SLC24A1: variants seen among roughly 807,000 people sequenced by gnomAD.
The protein encoded by SLC24A1 is sodium/potassium/calcium exchanger 1.
Under a neutral mutation model 88.1 loss-of-function variants are expected in SLC24A1, and 52 were observed. That is an observed-to-expected ratio of 0.59 (90% CI 0.47 to 0.74). The LOEUF is 0.74. Ranked by LOEUF, SLC24A1 falls within the 30% of genes least tolerant of loss-of-function variation. SLC24A1 has a pLI of 0.00. For synonymous variants in SLC24A1, 455 were observed against 498.0 expected, an observed-to-expected ratio of 0.91 and a Z score of 1.15; for missense variants, 1,173 against 1,363.3, an observed-to-expected ratio of 0.86 and a Z score of 2.20.
At chr15:65,652,383 A>G in intron 8 of SLC24A1, 1 of 384,476 alleles carries the variant, frequency 2.6e-6, no homozygotes, top group Non-Finnish European at 4.7e-6. Flanking sequence ...AGTGAGCAGC[A>G]GATCTGGTGT....
rs371558280 is a variant in SLC24A1, at chr15:65,650,888, C to G, written c.2739C>G (p.Phe913Leu). The G allele has an allele frequency of 1.2e-6, 2 of 1,613,878 alleles. No individual in the cohort carries two copies. The highest frequency in any genetic ancestry group is 1.3e-5 in the African/African-American group (1 of 74,920). Reference sequence around the variant, plus strand: ...GGCAGAAGCAGGCCATTTACCTCTTCCTTCTGCCCATCGTGTTCCCACTGT... The same window carrying G: ...GGCAGAAGCAGGCCATTTACCTCTTGCTTCTGCCCATCGTGTTCCCACTGT... ...ETRQKQAIYL[F>L]LLPIVFPLWL... The change falls in exon 7 of 10, where the codon TTC becomes TTG. Residue 913 changes from phenylalanine (F) to leucine (L), a missense_variant. Coordinates refer to ENST00000261892, the MANE Select transcript of SLC24A1 (RefSeq NM_004727.3). The surrounding 1 kb of genome is among the most constrained non-coding windows in gnomAD (Gnocchi z 4.1).
downstream of SLC24A1, chr15:65,660,252 T>A (rs1351359160): frequency 1.3e-6 from 2 of 1,529,766 alleles, no homozygotes; most frequent in African/African-American, 2.7e-5. Flanking sequence ...AGTTTTACAT[T>A]TTTAAACTCT....
chr15:65,651,042 G>A (rs2075486662), intron 7 of SLC24A1, 100 bp downstream of exon 7: 1 of 987,078 alleles, frequency 1.0e-6, no homozygotes, highest in African/African-American at 1.6e-5. Context: ...AGAGGCCAGG[G>A]ACAACCAGCT....
upstream of SLC24A1, among the ~76,000 whole-genome samples, chr15:65,617,883 T>C (rs890364977): frequency 6.6e-6 from 1 of 152,196 alleles, no homozygotes; most frequent in African/African-American, 2.4e-5. Flanking sequence ...TAAATACTTC[T>C]TTTACTAGAG....
At chr15:65,657,732 G>C (rs2075733023), downstream of SLC24A1, among the ~76,000 whole-genome samples, 1 of 152,048 alleles carries the variant, frequency 6.6e-6, no homozygotes, top group South Asian at 2.1e-4. Context: ...TTGGTGGGAG[G>C]GTCCTCCAGC....
At chr15:65,645,054 C>A (rs917131280) in intron 5 of SLC24A1, among the ~76,000 whole-genome samples, 4 of 152,194 alleles carry the variant, frequency 2.6e-5, no homozygotes, top group African/African-American at 9.7e-5. Flanking sequence ...CTGCCTGATC[C>A]ACCCAGCAAC....
rs1249820101 is a variant in SLC24A1 at position 65,650,663 on chromosome 15, C to T, written c.2514C>T (p.His838=). The part of the protein sequence containing the change: ...TESQELSAEN[H]GEAKNDEKGV... The stretch of plus-strand genomic sequence containing the variant: ...GCCAGGAACTCAGTGCTGAAAATCA[C>T]GGTGAAGCCAAAAATGATGAGAAAG... The change falls in exon 7 of 10, where the codon CAC becomes CAT. Residue 838 remains histidine, a synonymous_variant. Transcript: ENST00000261892. The surrounding 1 kb of genome is among the most constrained non-coding windows in gnomAD (Gnocchi z 4.1). The T allele has an allele frequency of 4.5e-6, 7 of 1,545,838 alleles. No individual in the cohort carries two copies. The highest frequency in any genetic ancestry group is 2.8e-5 in the African/African-American group (2 of 72,328).
chr15:65,623,027 C>CCA (rs766200855), intron 1 of SLC24A1, among the ~76,000 whole-genome samples: 13 of 152,182 alleles, frequency 8.5e-5, no homozygotes, highest in Non-Finnish European at 1.8e-4. Context: ...CAAGCATGAG[C>CCA]CACCGTGCTC....
At chr15:65,627,997 G>A (rs1229050254) in intron 2 of SLC24A1, among the ~76,000 whole-genome samples, 1 of 152,106 alleles carries the variant, frequency 6.6e-6, no homozygotes, top group African/African-American at 2.4e-5. Flanking sequence ...GTCTTGTTCT[G>A]TTGCCCAGGC....
At chr15:65,629,665 A>C (rs79021182) in intron 2 of SLC24A1, among the ~76,000 whole-genome samples, 1 of 152,222 alleles carries the variant, frequency 6.6e-6, no homozygotes, top group Non-Finnish European at 1.5e-5. Flanking sequence ...AAGCCAACAG[A>C]CAGCAAAGCA....
At chr15:65,646,357 A>T (rs576595807) in intron 6 of SLC24A1, among the ~76,000 whole-genome samples, 1 of 151,962 alleles carries the variant, frequency 6.6e-6, no homozygotes, top group Non-Finnish European at 1.5e-5. Context: ...GATTATAGGC[A>T]TGAGCCACCA....
Position 65,639,577 on chromosome 15 carries a change from G to A in SLC24A1, c.1945-18G>A, listed in dbSNP as rs1351913546. 6.2e-6 allele frequency: 9 copies of A among 1,448,646 alleles called. No individual in the cohort carries two copies. Among genetic ancestry groups the A allele is most frequent in the Non-Finnish European group, 7.5e-6 (8 of 1,060,404 alleles). 89.7% of individuals were successfully genotyped at this position (1,448,646 alleles called of 1,614,324 possible). ...TGGCTTGGACAGGGGCCCACTGTGCGGCTCTCCTCTTGCTCAGCTCCCGTC... is the reference window on the plus strand; with the variant it reads ...TGGCTTGGACAGGGGCCCACTGTGCAGCTCTCCTCTTGCTCAGCTCCCGTC... On this transcript the variant is annotated intron_variant, in intron 3 of 9. Transcript: ENST00000261892.
At chr15:65,618,122 A>C (rs553313020), upstream of SLC24A1, among the ~76,000 whole-genome samples, 2 of 152,298 alleles carry the variant, frequency 1.3e-5, no homozygotes, top group East Asian at 3.9e-4. Context: ...GAGAAGTGAA[A>C]TATCAGCATT....
upstream of SLC24A1, chr15:65,621,923 C>T (rs1340314415): frequency 6.6e-6 from 1 of 152,242 alleles, no homozygotes; most frequent in Non-Finnish European, 1.5e-5. Context: ...ATATTCTTCC[C>T]CTGAGCTGCC....
intron 2 of SLC24A1, among the ~76,000 whole-genome samples, chr15:65,615,397 G>C (rs1424438769): frequency 6.6e-6 from 1 of 152,174 alleles, no homozygotes; most frequent in Non-Finnish European, 1.5e-5. Flanking sequence ...TTGTGAGGCT[G>C]GGAGGCCGGG....
chr15:65,620,578 G>T (rs1452676471), upstream of SLC24A1, among the ~76,000 whole-genome samples: 5 of 152,098 alleles, frequency 3.3e-5, no homozygotes, highest in Non-Finnish European at 1.5e-5. Context: ...ATTTCAAAAT[G>T]TGCCAGAATC....
chr15:65,638,298 A>G lies in SLC24A1; in HGVS notation c.1944+117A>G, dbSNP rs76860591. ...CCCTGGCTGTGCTCAGGCCTAGGAA[A>G]CTCCTGGGAGCGCTGCCAGGGTGAG... is the stretch of plus-strand genomic sequence containing the variant. On this transcript the variant is annotated intron_variant, in intron 3 of 9. Coordinates refer to ENST00000261892, the MANE Select transcript of SLC24A1 (RefSeq NM_004727.3). 42,536 of 740,724 alleles carry G rather than the reference A, an allele frequency of 0.057. 1,434 individuals carry two copies. Among genetic ancestry groups the G allele is most frequent in the African/African-American group, 0.11 (6,479 of 57,216 alleles). The allele number at this position is 740,724 out of a possible 1,614,324, so 45.9% of individuals were successfully genotyped here.
chr15:65,647,248 CA>C (rs1353960220), intron 6 of SLC24A1, among the ~76,000 whole-genome samples: 2 of 152,034 alleles, frequency 1.3e-5, no homozygotes, highest in East Asian at 1.9e-4. Flanking sequence ...GAGGCCGAGG[CA>C]GGAGGATCAC....
At chr15:65,634,941 C>T (rs1180280748) in intron 2 of SLC24A1, among the ~76,000 whole-genome samples, 4 of 152,048 alleles carry the variant, frequency 2.6e-5, no homozygotes, top group South Asian at 4.2e-4. Context: ...TGAGTGTTGT[C>T]TATTTCACAG....
Sources: allele counts gnomAD v4.1 joint callset (sites outside exome capture counted in the v4.1 genomes callset), GRCh38; gene constraint gnomAD v4.1.1; non-coding constraint Gnocchi (gnomAD v3.1); transcripts MANE v1.5; gene names NCBI Gene and HGNC (gene_info 2026-07-23, HGNC 2026-07-21).